The following UTP20 variants were observed in gnomAD, a reference collection of about 807,000 sequenced individuals.
The protein encoded by UTP20 is UTP20 small subunit processome component.
In UTP20, 164 loss-of-function variants were observed where a neutral mutation model predicts 329.5. The observed-to-expected ratio is 0.50, with a 90% CI of 0.44 to 0.57. The LOEUF is 0.57. Among genes scored for constraint, UTP20 ranks in the 20% least tolerant of loss-of-function variants. UTP20 has a pLI of 0.00. For synonymous variants in UTP20, 1,151 were observed against 1,159.3 expected (o/e 0.99, Z 0.14); for missense variants, 3,055 against 3,284.2 (o/e 0.93, Z 1.71).
Position 101,369,747 on chromosome 12 carries a change from C to T in UTP20, c.6411C>T (p.Leu2137=), listed in dbSNP as rs148867816. The T allele has an allele frequency of 1.8e-4, 293 of 1,592,918 alleles. No individual in the cohort carries two copies. Among genetic ancestry groups the T allele is most frequent in the Non-Finnish European group, 2.4e-4 (278 of 1,161,034 alleles). The change falls in exon 49 of 62, where the codon CTC becomes CTT. Residue 2137 remains leucine, a synonymous_variant. Transcript: ENST00000261637. ...VKVITGALQC[L]IWVLRFPLPS... is the part of the protein sequence containing the mutation. ...TGATCACAGGTGCTTTACAGTGCCT[C>T]ATCTGGGTCTTGAGGTTCCCGCTAC...
intron 1 of UTP20, among the ~76,000 whole-genome samples, chr12:101,280,711 C>A (rs1163721764): frequency 1.3e-5 from 2 of 152,160 alleles, no homozygotes; most frequent in Non-Finnish European, 2.9e-5. Flanking sequence ...TCTCTGTTTG[C>A]CCCTTGATAG....
rs767044085 is a variant in UTP20, at chr12:101,338,126, C to G, written c.3717C>G (p.Leu1239=). The part of the protein sequence containing the change: ...CDILTNVFAI[L]SAKNLSDATA... ...TCCTGACCAATGTTTTTGCAATTCT[C>G]TCAGCGAAGAATCTTTCTGATGCCA... The change falls in exon 30 of 62, where the codon CTC becomes CTG. Residue 1239 remains leucine, a synonymous_variant. Coordinates refer to ENST00000261637, the MANE Select transcript of UTP20 (RefSeq NM_014503.3). 8 of 1,614,156 alleles carry G rather than the reference C, an allele frequency of 5.0e-6. No individual in the cohort carries two copies. Among genetic ancestry groups the G allele is most frequent in the South Asian group, 3.3e-5 (3 of 91,086 alleles).
intron 59 of UTP20, 60 bp downstream of exon 59, chr12:101,383,373 G>A (rs1475362923): frequency 6.6e-7 from 1 of 1,524,070 alleles, no homozygotes; most frequent in East Asian, 2.3e-5. Context: ...GTATTTTAAT[G>A]ATATTAGTGA....
rs1280354014 is a variant in UTP20 at position 101,309,836 on chromosome 12, T to A, written c.2228T>A (p.Ile743Lys). Reference sequence around the variant, plus strand: ...CTCTGGGATCCTGTTATTGAACTCATAAGGTAAACATGGGTTAAATGGGAT... The same window carrying A: ...CTCTGGGATCCTGTTATTGAACTCAAAAGGTAAACATGGGTTAAATGGGAT... ...SALWDPVIEL[I>K]SSHAHEMENK... is the part of the protein sequence containing the mutation. Residue 743 changes from isoleucine (I) to lysine (K), a missense_variant, in exon 19 of 62, where the codon ATA (isoleucine) becomes AAA (lysine). Around this residue, in one of 3 missense-constraint regions of UTP20, gnomAD observed 2,445 missense variants for 2,575.5 expected, o/e 0.95. Transcript: ENST00000261637. 6.2e-7 allele frequency: 1 copy of A among 1,613,112 alleles called. No individual in the cohort carries two copies. Among genetic ancestry groups the A allele is most frequent in the Non-Finnish European group, 8.5e-7 (1 of 1,179,664 alleles).
intron 5 of UTP20, among the ~76,000 whole-genome samples, chr12:101,288,738 G>T (rs577894413): frequency 4.9e-4 from 74 of 152,238 alleles, no homozygotes; most frequent in African/African-American, 1.6e-3. Context: ...AGTCTTGTTT[G>T]TAAAACCAGT....
At chr12:101,328,817 C>T (rs1039431856) in intron 26 of UTP20, among the ~76,000 whole-genome samples, 12 of 150,320 alleles carry the variant, frequency 8.0e-5, no homozygotes, top group Admixed American at 1.3e-4. Flanking sequence ...TGCAGTGAGC[C>T]GAGATCGCCC....
rs187729337 is a variant in UTP20, at chr12:101,289,031, T to G, written c.587T>G (p.Leu196Trp). ...TTTGCTGCTGAAAGTTTTACTTTTT[T>G]GATGAGAAAGGTTAGTCTGGTATTT... Reference protein sequence around the residue: ...RNFAAESFTFLMRKVSDKNAL... With the variant: ...RNFAAESFTFWMRKVSDKNAL... The change falls in exon 6 of 62, where the codon TTG becomes TGG. Residue 196 changes from leucine to tryptophan, a missense_variant. By Grantham distance (61) the Leu-to-Trp change is moderately conservative. Coordinates refer to ENST00000261637, the MANE Select transcript of UTP20 (RefSeq NM_014503.3). 294 of 1,612,438 alleles carry G rather than the reference T, an allele frequency of 1.8e-4. 1 individual carries two copies. Among genetic ancestry groups the G allele is most frequent in the Non-Finnish European group, 1.2e-4 (140 of 1,178,646 alleles).
intron 12 of UTP20, among the ~76,000 whole-genome samples, chr12:101,298,641 A>C (rs934386455): frequency 6.6e-6 from 1 of 152,170 alleles, no homozygotes; most frequent in Non-Finnish European, 1.5e-5. Context: ...TGACGTGGCA[A>C]CTAATGACTC....
At chr12:101,343,231 G>A in intron 35 of UTP20, 138 bp downstream of exon 35, 1 of 555,638 alleles carries the variant, frequency 1.8e-6, no homozygotes, top group Admixed American at 3.7e-5. Flanking sequence ...TTTAGATGAA[G>A]AATCTTATGT....
At chr12:101,340,967 TTTTTTTTTTTTTTTTTTTTTTTTTTG>T (rs1869108964) in intron 32 of UTP20, among the ~76,000 whole-genome samples, 5 of 32,012 alleles carry the variant, frequency 1.6e-4, no homozygotes, top group African/African-American at 1.1e-3. Flanking sequence ...TTTTTTTTTT[TTTTTTTTTTTTTTTTTTTTTTTTTTG>T]AGATGGAGTT....
chr12:101,365,587 G>T lies in UTP20; in HGVS notation c.6087G>T (p.Leu2029Phe). 6.3e-7 allele frequency: 1 copy of T among 1,592,198 alleles called. No individual in the cohort carries two copies. Among genetic ancestry groups the T allele is most frequent in the South Asian group, 1.2e-5 (1 of 86,204 alleles). The change falls in exon 46 of 62, where the codon TTG becomes TTT. Residue 2029 changes from leucine to phenylalanine, a missense_variant. Physicochemically the swap from Leu to Phe is conservative, Grantham distance 22 (BLOSUM62 0). Transcript: ENST00000261637. The part of the protein sequence containing the change: ...AESILLLSYG[L>F]ISENLPLLTE... Reference sequence around the variant, plus strand: ...CCATTCTATTACTCAGTTATGGTTTGATCAGTGAAAATCTTCCCCTGTTAA... The same window carrying T: ...CCATTCTATTACTCAGTTATGGTTTTATCAGTGAAAATCTTCCCCTGTTAA...
chr12:101,365,642 A>AG lies in UTP20; in HGVS notation c.6125+17_6125+18insG, dbSNP rs1565805810. The AG allele has an allele frequency of 1.3e-6, 2 of 1,546,574 alleles. No individual in the cohort carries two copies. Among genetic ancestry groups the AG allele is most frequent in the South Asian group, 2.5e-5 (2 of 80,456 alleles). On this transcript the variant is annotated intron_variant, in intron 46 of 61. Coordinates refer to ENST00000261637, the MANE Select transcript of UTP20 (RefSeq NM_014503.3). Reference sequence around the variant, plus strand: ...GAAAGAAAAGTAAGTTGGAAAAAAAACAAACTGTCATTTAGGTCTCTGCGT... The same window carrying AG: ...GAAAGAAAAGTAAGTTGGAAAAAAAAGCAAACTGTCATTTAGGTCTCTGCGT...
At chr12:101,338,341 A>G in intron 30 of UTP20, 64 bp downstream of exon 30, 3 of 1,547,280 alleles carry the variant, frequency 1.9e-6, no homozygotes, top group Non-Finnish European at 2.7e-6. Context: ...TCCTTAGAAG[A>G]GAAAAAAAAT....
chr12:101,379,900 A>G (rs1400940728), intron 57 of UTP20, among the ~76,000 whole-genome samples: 3 of 150,922 alleles, frequency 2.0e-5, no homozygotes, highest in Admixed American at 6.6e-5. Context: ...GGTCACTGCA[A>G]CCTCTGCCTC....
At chr12:101,343,750 G>A (rs996571787) in intron 35 of UTP20, among the ~76,000 whole-genome samples, 13 of 152,152 alleles carry the variant, frequency 8.5e-5, no homozygotes, top group Non-Finnish European at 1.9e-4. Flanking sequence ...GACCTCAGGC[G>A]ATCCGCCCAT....
chr12:101,360,468 T>G (rs1869874274), intron 43 of UTP20, among the ~76,000 whole-genome samples: 1 of 152,132 alleles, frequency 6.6e-6, no homozygotes, highest in African/African-American at 2.4e-5. Context: ...CATCATAAAG[T>G]TGAAAAATCA....
chr12:101,358,142 C>T (rs898258469), intron 43 of UTP20, among the ~76,000 whole-genome samples: 2 of 152,186 alleles, frequency 1.3e-5, no homozygotes, highest in Non-Finnish European at 2.9e-5. Flanking sequence ...GACTGTAAGT[C>T]TAACACACTA....
intron 41 of UTP20, 59 bp from the exon 42 acceptor site, chr12:101,356,495 G>A: frequency 7.0e-7 from 1 of 1,427,356 alleles, no homozygotes; most frequent in Non-Finnish European, 9.5e-7. Flanking sequence ...AAGTTGCAGT[G>A]TTGGTAGATC....
intron 38 of UTP20, among the ~76,000 whole-genome samples, chr12:101,349,605 A>T (rs945848191): frequency 6.6e-6 from 1 of 151,688 alleles, no homozygotes; most frequent in Admixed American, 6.6e-5. Flanking sequence ...CTCTTGACTA[A>T]TTTTATTATA....
Sources: gnomAD v4.1 joint callset for allele counts (sites outside exome capture counted in the v4.1 genomes callset) on GRCh38, gnomAD v4.1.1 for gene constraint, gnomAD v4.1.1 regional missense constraint, MANE v1.5 for transcripts, NCBI Gene and HGNC (gene_info 2026-07-23, HGNC 2026-07-21) for gene names.